The following CRACDL variants were observed in gnomAD, a reference collection of about 807,000 sequenced individuals.
CRACDL encodes CRACD-like protein.
In CRACDL, 26 loss-of-function variants were observed where a neutral mutation model predicts 70.6. The observed-to-expected ratio is 0.37, with a 90% confidence interval of 0.27 to 0.51. The LOEUF is 0.51. Ranked by LOEUF, CRACDL falls within the 20% of genes least tolerant of loss-of-function variation. CRACDL has a pLI of 0.94. For synonymous variants in CRACDL, 618 were observed against 615.2 expected (o/e 1.00, Z -0.07); for missense variants, 1,283 against 1,376.9 (o/e 0.93, Z 1.08).
Position 98,897,443 on chromosome 2 carries a change from A to T in CRACDL, c.-11+38495T>A, listed in dbSNP as rs1257192926. 3 of 1,271,874 alleles carry T rather than the reference A, an allele frequency of 2.4e-6. No individual in the cohort carries two copies. In the Admixed American group the frequency reaches 7.0e-5, roughly 30 times the overall value. 78.8% of individuals were successfully genotyped at this position (1,271,874 alleles called of 1,614,324 possible). The stretch of plus-strand genomic sequence containing the variant: ...AGGTGTCCTTATCTCAGCATACCAG[A>T]TTCATTACATGGAGTATGCAGAAAA... On this transcript the variant is annotated intron_variant, in intron 1 of 9. Transcript: ENST00000397899.
intron 1 of CRACDL, among the ~76,000 whole-genome samples, chr2:98,877,038 G>T (rs114270775): frequency 0.018 from 2,701 of 152,316 alleles, 87 homozygotes; most frequent in African/African-American, 0.061. Context: ...ACCTGCCCTT[G>T]GCAGAAATCA....
intron 1 of CRACDL, among the ~76,000 whole-genome samples, chr2:98,878,891 C>A (rs769701639): frequency 6.6e-6 from 1 of 152,194 alleles, no homozygotes; most frequent in African/African-American, 2.4e-5. Context: ...TAGGGACCAT[C>A]TGTATTGAAG....
chr2:98,816,928 C>T (rs534721108), intron 7 of CRACDL, among the ~76,000 whole-genome samples: 5 of 152,354 alleles, frequency 3.3e-5, no homozygotes, highest in African/African-American at 1.2e-4. Context: ...CTATTCACAA[C>T]AGCCAAGATG....
chr2:98,822,605 C>T lies in CRACDL; in HGVS notation c.1668G>A (p.Ala556=). The part of the protein sequence containing the change: ...EAPPAGAERA[A]PERKAERGGA... ...CGCCCCTCTCCGCCTTCCGCTCTGG[C>T]GCCGCCCTCTCGGCGCCCGCCGGTG... is the stretch of plus-strand genomic sequence containing the variant. Residue 556 remains alanine (A), a synonymous_variant, in exon 7 of 10, where the codon GCG becomes GCA. Transcript: ENST00000397899. This position sits in a 1 kb window ranked among gnomAD's most constrained non-coding sequence, Gnocchi z 4.9. 4 of 1,392,484 alleles carry T rather than the reference C, an allele frequency of 2.9e-6. No homozygotes were observed. Among genetic ancestry groups the T allele is most frequent in the South Asian group, 3.1e-5 (2 of 63,552 alleles). 86.3% of individuals were successfully genotyped at this position (1,392,484 alleles called of 1,614,324 possible). A position where few individuals can be genotyped will look rare whatever the true frequency, so the allele number is the denominator to read the frequency against.
intron 1 of CRACDL, among the ~76,000 whole-genome samples, chr2:98,848,709 C>A (rs187636613): frequency 2.5e-4 from 38 of 152,268 alleles, no homozygotes; most frequent in East Asian, 3.9e-4. Flanking sequence ...TCAGCCCCCC[C>A]ACAAATAGCT....
At chr2:98,932,509 G>T (rs1340096293) in intron 1 of CRACDL, among the ~76,000 whole-genome samples, 1 of 152,134 alleles carries the variant, frequency 6.6e-6, no homozygotes, top group Non-Finnish European at 1.5e-5. Flanking sequence ...GCACACAGGG[G>T]GTTGCTCTGA....
chr2:98,877,541 T>C lies in CRACDL; in HGVS notation c.-10-30731A>G, dbSNP rs573625310. ...CAGGCGGATTACCTGAGGTCAGGAG[T>C]TTGAGACCAGCCTGACCAATATGGT... On this transcript the variant is annotated intron_variant, in intron 1 of 9. Transcript: ENST00000397899. 4.0e-5 allele frequency among the ~76,000 whole-genome samples: 6 copies of C among 151,760 alleles called. No individual in the cohort carries two copies. In the South Asian group the frequency reaches 6.3e-4, roughly 16 times the overall value.
chr2:98,818,052 T>C (rs995154894), intron 7 of CRACDL, among the ~76,000 whole-genome samples: 1 of 152,220 alleles, frequency 6.6e-6, no homozygotes, highest in African/African-American at 2.4e-5. Context: ...ATTCTAATCC[T>C]GCGTGCAGAA....
intron 7 of CRACDL, among the ~76,000 whole-genome samples, chr2:98,819,001 T>C (rs951732500): frequency 2.6e-5 from 4 of 152,266 alleles, no homozygotes; most frequent in Non-Finnish European, 4.4e-5. Flanking sequence ...TAGATTCTTC[T>C]TTCGTTTTGA....
intron 2 of CRACDL, among the ~76,000 whole-genome samples, chr2:98,841,213 G>T (rs1047647888): frequency 1.3e-5 from 2 of 151,796 alleles, no homozygotes; most frequent in African/African-American, 2.4e-5. Flanking sequence ...TAGAGTTTTG[G>T]TATCTAATCT....
At chr2:98,803,860 T>C (rs1264806355) in intron 7 of CRACDL, among the ~76,000 whole-genome samples, 3 of 152,176 alleles carry the variant, frequency 2.0e-5, no homozygotes, top group African/African-American at 7.2e-5. Context: ...GCCACAGCCC[T>C]GGTTGACCTG....
intron 1 of CRACDL, among the ~76,000 whole-genome samples, chr2:98,910,983 A>G (rs940047952): frequency 2.6e-5 from 4 of 152,192 alleles, no homozygotes; most frequent in African/African-American, 9.7e-5. Context: ...GAGAATCAGA[A>G]AGATCTAAGA....
chr2:98,891,818 T>C (rs1310087819), intron 1 of CRACDL, among the ~76,000 whole-genome samples: 1 of 152,206 alleles, frequency 6.6e-6, no homozygotes, highest in African/African-American at 2.4e-5. Flanking sequence ...TAGGAGGAAG[T>C]ATATATAACA....
intron 1 of CRACDL, among the ~76,000 whole-genome samples, chr2:98,855,781 A>AAT (rs1408258720): frequency 2.6e-5 from 4 of 152,360 alleles, no homozygotes; most frequent in African/African-American, 7.2e-5. Context: ...AGATTATTAA[A>AAT]AGAGGTAGAA....
At chr2:98,919,752 T>G (rs1708755538) in intron 1 of CRACDL, among the ~76,000 whole-genome samples, 1 of 152,220 alleles carries the variant, frequency 6.6e-6, no homozygotes, top group Non-Finnish European at 1.5e-5. Context: ...TAAATTATTA[T>G]GAATTTACAA....
intron 1 of CRACDL, among the ~76,000 whole-genome samples, chr2:98,931,871 G>A (rs1329906211): frequency 6.6e-6 from 1 of 152,112 alleles, no homozygotes; most frequent in African/African-American, 2.4e-5. Flanking sequence ...TAAATTCACT[G>A]GGCACCGACA....
intron 1 of CRACDL, among the ~76,000 whole-genome samples, chr2:98,914,946 C>T (rs1708631798): frequency 6.6e-6 from 1 of 152,228 alleles, no homozygotes; most frequent in African/African-American, 2.4e-5. Flanking sequence ...ATGCTGTTTG[C>T]AGTTGGAGGG....
At chr2:98,842,860 GC>G in intron 2 of CRACDL, among the ~76,000 whole-genome samples, 1 of 147,276 alleles carries the variant, frequency 6.8e-6, no homozygotes. Context: ...TAAATAAGTT[GC>G]TATAGTTTGT....
rs1022386435 is a variant in CRACDL at position 98,823,075 on chromosome 2, T to G, written c.1198A>C (p.Ser400Arg). The G allele has an allele frequency of 1.9e-6, 3 of 1,573,316 alleles. No homozygotes were observed. The highest frequency in any genetic ancestry group is 2.6e-6 in the Non-Finnish European group (3 of 1,162,950). ...EVVCAPEDVA[S>R]PFPTAIPEGD... ...TCAGGGATGGCGGTGGGAAACGGGC[T>G]CGCGACGTCTTCGGGAGCACAGACC... Residue 400 changes from serine to arginine, a missense_variant, in exon 7 of 10, where the codon AGC becomes CGC. By Grantham distance (110) the Ser-to-Arg change is moderately radical. This residue lies in a region of CRACDL where 921 missense variants were observed against 881.9 expected (regional missense o/e 1.04). Transcript: ENST00000397899. The surrounding 1 kb of genome is among the most constrained non-coding windows in gnomAD (Gnocchi z 4.0).
Sources: gnomAD v4.1 joint callset for allele counts (sites outside exome capture counted in the v4.1 genomes callset) on GRCh38, gnomAD v4.1.1 for gene constraint, gnomAD v4.1.1 regional missense constraint, Gnocchi (gnomAD v3.1) non-coding constraint, MANE v1.5 for transcripts, NCBI Gene and HGNC (gene_info 2026-07-23, HGNC 2026-07-21) for gene names.